Variants in TAFA4 observed in about 807,000 individuals in gnomAD.
TAFA4 encodes chemokine-like protein TAFA-4.
In TAFA4, 20 loss-of-function variants were observed where a neutral mutation model predicts 21.1. The observed-to-expected ratio is 0.95, with a 90% confidence interval of 0.67 to 1.38. The LOEUF (loss-of-function observed/expected upper bound fraction) is 1.38, where lower values mean the gene tolerates loss of function less well. Among genes scored for constraint, TAFA4 ranks in the 40% most tolerant of loss-of-function variants. The pLI is 0.00. For synonymous variants in TAFA4, 71 were observed against 67.4 expected (o/e 1.05, Z -0.26); for missense variants, 211 against 180.9 (o/e 1.17, Z -0.95).
chr3:68,911,749 G>A (rs962956379), intron 1 of TAFA4, among the ~76,000 whole-genome samples: 1 of 152,182 alleles, frequency 6.6e-6, no homozygotes, highest in Admixed American at 6.5e-5. Context: ...GTCAGAAACG[G>A]TCAAACAGAA....
At position 68,893,326 on chromosome 3, in the gene TAFA4, A is replaced by G. The variant is rs200030792; in HGVS notation, c.-122-8016T>C. 5.3e-5 allele frequency among the ~76,000 whole-genome samples: 8 copies of G among 152,314 alleles called. No homozygotes were observed. The East Asian group carries it at 1.5e-3, about 29-fold the overall frequency. ...GTCTTCTAATACTATCATCATTACT[A>G]TGGGCAAGTGGGAGTCTATTTACTT... On this transcript the variant is annotated intron_variant, in intron 1 of 5. Transcript: ENST00000295569.
intron 5 of TAFA4, 53 bp from the exon 6 acceptor site, chr3:68,733,206 A>AC: frequency 6.3e-7 from 1 of 1,595,520 alleles, no homozygotes; most frequent in Non-Finnish European, 8.5e-7. Context: ...CACCGAAATA[A>AC]CCATTCCTGC....
At chr3:68,827,483 C>CTAA (rs1704276987) in intron 3 of TAFA4, among the ~76,000 whole-genome samples, 2 of 152,354 alleles carry the variant, frequency 1.3e-5, no homozygotes, top group South Asian at 4.1e-4. Flanking sequence ...AATGGCTGAA[C>CTAA]TAATTTACAC....
At chr3:68,927,246 G>A (rs1206997128) in intron 1 of TAFA4, among the ~76,000 whole-genome samples, 2 of 152,208 alleles carry the variant, frequency 1.3e-5, no homozygotes, top group Admixed American at 1.3e-4. Flanking sequence ...AGTAACTACA[G>A]TGTACTGCAG....
chr3:68,808,054 A>G (rs1209985973), intron 3 of TAFA4, among the ~76,000 whole-genome samples: 1 of 145,392 alleles, frequency 6.9e-6, no homozygotes, highest in Non-Finnish European at 1.5e-5. Context: ...TTTAGCACAG[A>G]ACAGTAAAGG....
chr3:68,891,996 T>C (rs1401167390), intron 1 of TAFA4, among the ~76,000 whole-genome samples: 1 of 152,240 alleles, frequency 6.6e-6, no homozygotes, highest in Non-Finnish European at 1.5e-5. Flanking sequence ...CAGGTATTAA[T>C]GATCTTCTTA....
intron 3 of TAFA4, among the ~76,000 whole-genome samples, chr3:68,842,276 T>C (rs1159997824): frequency 2.6e-5 from 4 of 152,240 alleles, no homozygotes; most frequent in Non-Finnish European, 5.9e-5. Flanking sequence ...GCGGTTTTGA[T>C]TTGCATTTCT....
intron 3 of TAFA4, among the ~76,000 whole-genome samples, chr3:68,822,043 T>C (rs1704124981): frequency 6.6e-6 from 1 of 152,216 alleles, no homozygotes; most frequent in African/African-American, 2.4e-5. Flanking sequence ...ATGCTTGCTC[T>C]TTTTATATGG....
intron 3 of TAFA4, among the ~76,000 whole-genome samples, chr3:68,810,831 T>A (rs911340398): frequency 3.3e-5 from 5 of 152,188 alleles, no homozygotes; most frequent in African/African-American, 1.2e-4. Flanking sequence ...GTAGTGGTTC[T>A]CCCAGCACAC....
chr3:68,739,032 G>C, intron 5 of TAFA4, 43 bp downstream of exon 5: 1 of 1,608,266 alleles, frequency 6.2e-7, no homozygotes, highest in Non-Finnish European at 8.5e-7. Context: ...AAGCCCCACA[G>C]TTGATAACTT....
At chr3:68,878,483 A>C (rs2089579155) in intron 3 of TAFA4, among the ~76,000 whole-genome samples, 3 of 152,180 alleles carry the variant, frequency 2.0e-5, no homozygotes, top group African/African-American at 4.8e-5. Context: ...TCCTTCCAGA[A>C]GGCATCTTTC....
chr3:68,865,263 T>G (rs540334112), intron 3 of TAFA4, among the ~76,000 whole-genome samples: 1 of 152,208 alleles, frequency 6.6e-6, no homozygotes, highest in East Asian at 1.9e-4. Context: ...ACAATTTATT[T>G]TTTTTTTAAT....
chr3:68,800,187 A>C lies in TAFA4; in HGVS notation c.131-47169T>G, dbSNP rs559673173. ...AAATGTAATGCACTTGAATTATCCC[A>C]AAACCATCCTTCCATTCCCCAGTCC... On this transcript the variant is annotated intron_variant, in intron 3 of 5. Transcript: ENST00000295569. Among the ~76,000 whole-genome samples, 11 of 152,288 alleles carry C rather than the reference A, an allele frequency of 7.2e-5. No individual in the cohort carries two copies. The South Asian group carries it at 1.2e-3, about 17-fold the overall frequency.
intron 3 of TAFA4, among the ~76,000 whole-genome samples, chr3:68,757,667 G>A (rs1702683033): frequency 6.6e-6 from 1 of 152,114 alleles, no homozygotes; most frequent in Non-Finnish European, 1.5e-5. Flanking sequence ...ACTTAGAACT[G>A]GGCCACAGTG....
chr3:68,843,568 G>A (rs1704718097), intron 3 of TAFA4, among the ~76,000 whole-genome samples: 1 of 152,182 alleles, frequency 6.6e-6, no homozygotes, highest in Admixed American at 6.5e-5. Flanking sequence ...AATAGGAGTG[G>A]TGAGAGAGGG....
At chr3:68,740,866 A>G (rs1445936334) in intron 4 of TAFA4, among the ~76,000 whole-genome samples, 1 of 152,278 alleles carries the variant, frequency 6.6e-6, no homozygotes, top group East Asian at 1.9e-4. Context: ...TTGCATGGGA[A>G]TATCTAATTT....
At chr3:68,796,812 A>G (rs1191525759) in intron 3 of TAFA4, among the ~76,000 whole-genome samples, 1 of 152,168 alleles carries the variant, frequency 6.6e-6, no homozygotes, top group Non-Finnish European at 1.5e-5. Flanking sequence ...CCCCAATTTA[A>G]AAATGGCCAA....
At position 68,907,236 on chromosome 3, in the gene TAFA4, A is replaced by T. The variant is rs188283739; in HGVS notation, c.-122-21926T>A. On this transcript the variant is annotated intron_variant, in intron 1 of 5. Coordinates refer to ENST00000295569, the MANE Select transcript of TAFA4 (RefSeq NM_182522.5). ...CTCTGCTAATATCCAAAGTAGCCAC[A>T]GAAATTAATGCTTGTTGTCCAAAGA... Among the ~76,000 whole-genome samples, 165 of 152,304 alleles carry T rather than the reference A, an allele frequency of 1.1e-3. 2 individuals carry two copies. Among genetic ancestry groups the T allele is most frequent in the African/African-American group, 3.8e-3 (159 of 41,576 alleles).
chr3:68,888,199 C>T (rs750443960), intron 1 of TAFA4, among the ~76,000 whole-genome samples: 10 of 151,998 alleles, frequency 6.6e-5, no homozygotes, highest in South Asian at 2.1e-4. Flanking sequence ...AGTGCATGGA[C>T]GCAATTCAGC....
Sources: gnomAD v4.1 joint callset for allele counts (sites outside exome capture counted in the v4.1 genomes callset) on GRCh38, gnomAD v4.1.1 for gene constraint, MANE v1.5 for transcripts, NCBI Gene and HGNC (gene_info 2026-07-23, HGNC 2026-07-21) for gene names.